The following C11orf52 variants were observed in gnomAD, a reference collection of about 807,000 sequenced individuals.
The protein encoded by C11orf52 is chromosome 11 open reading frame 52, also known as uncharacterized protein C11orf52.
Under a neutral mutation model 11.7 loss-of-function variants are expected in C11orf52, and 9 were observed. The ratio of observed to expected loss-of-function variants is 0.77; its 90% CI spans 0.46 to 1.34. C11orf52 has a LOEUF of 1.34. Among genes scored for constraint, C11orf52 ranks in the 40% most tolerant of loss-of-function variants. C11orf52 has a pLI of 0.00. For missense variants in C11orf52, 139 were observed against 154.8 expected (o/e 0.90, Z 0.54); for synonymous variants, 49 against 57.4 (o/e 0.85, Z 0.66).
chr11:111,925,593 G>A, intron 2 of C11orf52, 60 bp from the exon 3 acceptor site: 1 of 1,526,312 alleles, frequency 6.6e-7, no homozygotes, highest in South Asian at 1.1e-5. Context: ...ATTTGAAGAA[G>A]GCAATCTCAG....
chr11:111,919,114 C>A, intron 1 of C11orf52, 110 bp downstream of exon 1: 1 of 1,186,500 alleles, frequency 8.4e-7, no homozygotes, highest in Non-Finnish European at 1.2e-6. Context: ...CCACTGCCAC[C>A]TTCCTCTGCC....
intron 1 of C11orf52, among the ~76,000 whole-genome samples, chr11:111,920,537 T>TG (rs1216367668): frequency 4.0e-5 from 6 of 149,796 alleles, no homozygotes; most frequent in Admixed American, 2.7e-4. Flanking sequence ...GACTATGTCT[T>TG]GAAAAAAAAA....
chr11:111,920,688 C>T (rs1169330012), intron 1 of C11orf52, among the ~76,000 whole-genome samples: 2 of 152,198 alleles, frequency 1.3e-5, no homozygotes, highest in Admixed American at 1.3e-4. Context: ...CACCTGAGCC[C>T]TGGGGGTAGA....
At position 111,926,792 on chromosome 11, in the gene C11orf52, GGCCTGGAAACT is replaced by G. The variant is rs146338743; in HGVS notation, c.*594_*604del. On this transcript the variant is annotated 3_prime_UTR_variant, in exon 4 of 4. Coordinates refer to ENST00000278601, the MANE Select transcript of C11orf52 (RefSeq NM_080659.3). ...TCAGTGATAACCGACAGCACAGTGA[GGCCTGGAAACT>G]TCCCTCGGAGGGACTGTTGGCTCTC... 0.015 allele frequency: 2,372 copies of G among 153,936 alleles called. 69 individuals carry two copies. The highest frequency in any genetic ancestry group is 0.054 in the African/African-American group (2,244 of 41,578). The allele number at this position is 153,936 out of a possible 1,614,324, so 9.5% of individuals were successfully genotyped here.
chr11:111,925,438 G>A (rs782715663), intron 2 of C11orf52, among the ~76,000 whole-genome samples: 16 of 152,200 alleles, frequency 1.1e-4, no homozygotes, highest in Non-Finnish European at 2.4e-4. Flanking sequence ...GAAAAATGAG[G>A]ATGGAAGATA....
In C11orf52 at chr11:111,918,946, G is replaced by C; in HGVS notation, c.-27G>C. 6.2e-7 allele frequency: 1 copy of C among 1,614,134 alleles called. No homozygotes were observed. On this transcript the variant is annotated 5_prime_UTR_variant, in exon 1 of 4. Transcript: ENST00000278601. Reference sequence around the variant, plus strand: ...ACAAGCCTCTTGATGCATAAAAACAGCTGGGCTCCCTTGGAGACAGAGCGC... The same window carrying C: ...ACAAGCCTCTTGATGCATAAAAACACCTGGGCTCCCTTGGAGACAGAGCGC...
chr11:111,919,028 G>A, intron 1 of C11orf52, 24 bp downstream of exon 1: 2 of 1,613,964 alleles, frequency 1.2e-6, no homozygotes, highest in African/African-American at 2.7e-5. Flanking sequence ...AAGGGCAAAG[G>A]GGAACATCTA....
intron 2 of C11orf52, among the ~76,000 whole-genome samples, chr11:111,925,119 C>A (rs1555166806): frequency 6.6e-6 from 1 of 151,556 alleles, no homozygotes; most frequent in African/African-American, 2.4e-5. Flanking sequence ...GAGACTCTGT[C>A]TCTAAATAAA....
In C11orf52 at chr11:111,925,729, C is replaced by T. The variant is rs1555166885; in HGVS notation, c.132+15C>T. ...ATCTCCCAAAGGTAATGACAGGTCT[C>T]TGTCCCCTCTCTGGGGCTGCTCGGA... On this transcript the variant is annotated intron_variant, in intron 3 of 3. Coordinates refer to ENST00000278601, the MANE Select transcript of C11orf52 (RefSeq NM_080659.3). 2 of 1,614,102 alleles carry T rather than the reference C, an allele frequency of 1.2e-6. No homozygotes were observed. The highest frequency in any genetic ancestry group is 8.5e-7 in the Non-Finnish European group (1 of 1,179,900).
At chr11:111,925,863 A>T (rs1287243600) in intron 3 of C11orf52, 97 bp from the exon 4 acceptor site, 18 of 1,584,394 alleles carry the variant, frequency 1.1e-5, no homozygotes, top group Non-Finnish European at 1.5e-5. Context: ...TGCTCAAAGG[A>T]GCAAAGCGAA....
intron 2 of C11orf52, among the ~76,000 whole-genome samples, chr11:111,925,335 A>C (rs1483664305): frequency 6.6e-6 from 1 of 152,180 alleles, no homozygotes; most frequent in Non-Finnish European, 1.5e-5. Context: ...CCCCTGAGGT[A>C]GAGGAAACAG....
At chr11:111,923,271 G>A (rs1566426825) in intron 1 of C11orf52, among the ~76,000 whole-genome samples, 2 of 152,188 alleles carry the variant, frequency 1.3e-5, no homozygotes, top group Admixed American at 6.5e-5. Context: ...AGTTTGGCTG[G>A]AGACTCAACT....
rs781980687 is a variant in C11orf52 at position 111,918,956 on chromosome 11, C to T, written c.-17C>T. 1 of 1,614,150 alleles carries T rather than the reference C, an allele frequency of 6.2e-7. No homozygotes were observed. Among genetic ancestry groups the T allele is most frequent in the South Asian group, 1.1e-5 (1 of 91,066 alleles). On this transcript the variant is annotated 5_prime_UTR_variant, in exon 1 of 4. Coordinates refer to ENST00000278601, the MANE Select transcript of C11orf52 (RefSeq NM_080659.3). ...TGATGCATAAAAACAGCTGGGCTCC[C>T]TTGGAGACAGAGCGCCATGGGAAAC...
chr11:111,925,813 A>G lies in C11orf52; in HGVS notation c.132+99A>G, dbSNP rs587726693. The G allele has an allele frequency of 3.3e-3, 5,126 of 1,567,916 alleles. 22 individuals are homozygous for G. Among genetic ancestry groups the G allele is most frequent in the Middle Eastern group, 0.015 (91 of 5,944 alleles). On this transcript the variant is annotated intron_variant, in intron 3 of 3. Coordinates refer to ENST00000278601, the MANE Select transcript of C11orf52 (RefSeq NM_080659.3). Reference sequence around the variant, plus strand: ...CAACAGACACATTTCAGTCACCTGTAGAATTTGCTGGCTCTGTCTGTCCTC... The same window carrying G: ...CAACAGACACATTTCAGTCACCTGTGGAATTTGCTGGCTCTGTCTGTCCTC...
In C11orf52 at chr11:111,926,188, A is replaced by C. The variant is rs370615884; in HGVS notation, c.361A>C (p.Thr121Pro). Residue 121 changes from threonine to proline, a missense_variant, in exon 4 of 4, where the codon ACC (threonine) becomes CCC (proline). Transcript: ENST00000278601. ...ACCTCGCTATGACAGCAAGAACGGG[A>C]CCCTGGTGTGAGCGCTTGGGAGGAA... ...ATPRYDSKNG[T>P]LV The C allele has an allele frequency of 1.2e-5, 20 of 1,613,786 alleles. No individual in the cohort carries two copies. The highest frequency in any genetic ancestry group is 1.7e-4 in the Middle Eastern group (1 of 5,974).
intron 2 of C11orf52, 92 bp from the exon 3 acceptor site, chr11:111,925,561 T>TA: frequency 7.8e-7 from 1 of 1,281,884 alleles, no homozygotes; most frequent in Non-Finnish European, 1.1e-6. Flanking sequence ...GACAGAAGCC[T>TA]GCCGTTAATA....
rs782579073 is a variant in C11orf52, at chr11:111,926,015, A to G, written c.188A>G (p.Gln63Arg). 6.2e-7 allele frequency: 1 copy of G among 1,613,954 alleles called. No individual in the cohort carries two copies. The highest frequency in any genetic ancestry group is 2.2e-5 in the East Asian group (1 of 44,888). Residue 63 changes from glutamine to arginine, a missense_variant, in exon 4 of 4, where the codon CAA (glutamine) becomes CGA (arginine). By Grantham distance (43) the Gln-to-Arg change is conservative. Coordinates refer to ENST00000278601, the MANE Select transcript of C11orf52 (RefSeq NM_080659.3). ...YERVLQQQGS[Q>R]ERSPGLMSED... ...CGGGTGTTACAGCAGCAAGGGTCTC[A>G]AGAGAGGAGTCCAGGCCTCATGTCG...
Position 111,926,536 on chromosome 11 carries a change from A to G in C11orf52, c.*337A>G. 1 of 343,594 alleles carries G rather than the reference A, an allele frequency of 2.9e-6. No homozygotes were observed. The highest frequency in any genetic ancestry group is 5.4e-6 in the Non-Finnish European group (1 of 183,922). 21.3% of individuals were successfully genotyped at this position (343,594 alleles called of 1,614,324 possible). On this transcript the variant is annotated 3_prime_UTR_variant, in exon 4 of 4. Transcript: ENST00000278601. ...GAAAGAGCAGGTAAAAAGTTAGCCC[A>G]TAAGCACGTGGGCTGATCTTGTTGG...
chr11:111,924,053 C>T (rs1555166728), intron 1 of C11orf52, among the ~76,000 whole-genome samples: 1 of 152,242 alleles, frequency 6.6e-6, no homozygotes, highest in African/African-American at 2.4e-5. Flanking sequence ...AAGCCAGATA[C>T]ATCCCTGGCA....
Sources: allele counts gnomAD v4.1 joint callset (sites outside exome capture counted in the v4.1 genomes callset), GRCh38; gene constraint gnomAD v4.1.1; transcripts MANE v1.5; gene names NCBI Gene and HGNC (gene_info 2026-07-23, HGNC 2026-07-21).